EPCIP: variants seen among roughly 807,000 people sequenced by gnomAD.
The protein encoded by EPCIP is exosomal polycystin-1-interacting protein.
the EPCIP span, among the ~76,000 whole-genome samples, chr21:32,804,522 T>A: frequency 1.3e-5 from 2 of 151,924 alleles, no homozygotes; most frequent in Admixed American, 6.6e-5. Context: ...ATAGTACTAT[T>A]CATAGACATT....
the EPCIP span, among the ~76,000 whole-genome samples, chr21:32,806,245 C>G: frequency 5.9e-5 from 9 of 152,190 alleles, no homozygotes; most frequent in Admixed American, 5.2e-4. Flanking sequence ...CAGCTCAGCT[C>G]TAGCACAGTG....
chr21:32,810,606 T>C, the EPCIP span: 1 of 471,486 alleles, frequency 2.1e-6, no homozygotes, highest in Non-Finnish European at 4.4e-6. Flanking sequence ...GCTCAGTGCA[T>C]GGCTGTCTTC....
At chr21:32,796,142 C>T in the EPCIP span, among the ~76,000 whole-genome samples, 1 of 152,098 alleles carries the variant, frequency 6.6e-6, no homozygotes, top group African/African-American at 2.4e-5. Context: ...CAAGACAACC[C>T]AGGGCCCAGT....
At chr21:32,791,036 G>A in the EPCIP span, 1 of 152,236 alleles carries the variant, frequency 6.6e-6, no homozygotes, top group South Asian at 2.1e-4. Context: ...TAGAGCTTCA[G>A]GTGGGGCATG....
At chr21:32,811,458 T>A in the EPCIP span, among the ~76,000 whole-genome samples, 1 of 152,264 alleles carries the variant, frequency 6.6e-6, no homozygotes, top group East Asian at 1.9e-4. Context: ...AAATGATACA[T>A]GGGTACTCAG....
chr21:32,792,855 T>G, the EPCIP span, among the ~76,000 whole-genome samples: 38 of 152,158 alleles, frequency 2.5e-4, no homozygotes, highest in Non-Finnish European at 1.2e-4. Flanking sequence ...GGTGCATCTA[T>G]TCTTAGCAAG....
chr21:32,794,646 A>G, the EPCIP span, among the ~76,000 whole-genome samples: 1 of 152,372 alleles, frequency 6.6e-6, no homozygotes, highest in East Asian at 1.9e-4. Flanking sequence ...GCACTGGGCA[A>G]GCTCTTTTCT....
the EPCIP span, among the ~76,000 whole-genome samples, chr21:32,809,182 C>CGTGTGTGT: frequency 0.091 from 11,043 of 121,058 alleles, 1,106 homozygotes; most frequent in East Asian, 0.11. Flanking sequence ...TCGAGGGGTG[C>CGTGTGTGT]GTGTGTGTGT....
At chr21:32,806,982 G>T in the EPCIP span, among the ~76,000 whole-genome samples, 1 of 152,184 alleles carries the variant, frequency 6.6e-6, no homozygotes, top group Non-Finnish European at 1.5e-5. Context: ...TGAGAGCCAA[G>T]TGAAAGGGGT....
chr21:32,809,102 TA>T, the EPCIP span, among the ~76,000 whole-genome samples: 2 of 151,462 alleles, frequency 1.3e-5, no homozygotes, highest in African/African-American at 4.9e-5. Flanking sequence ...AAATGCGAAG[TA>T]ATCCTTTTAT....
the EPCIP span, among the ~76,000 whole-genome samples, chr21:32,795,766 T>G: frequency 6.6e-6 from 1 of 152,130 alleles, no homozygotes; most frequent in African/African-American, 2.4e-5. Flanking sequence ...TCCAAAGGAA[T>G]CAAGGCTAAA....
At chr21:32,813,231 A>T in the EPCIP span, among the ~76,000 whole-genome samples, 3 of 152,132 alleles carry the variant, frequency 2.0e-5, no homozygotes, top group African/African-American at 7.2e-5. Flanking sequence ...GATGTTTTAA[A>T]ATAGAGACAA....
the EPCIP span, among the ~76,000 whole-genome samples, chr21:32,804,092 T>C: frequency 6.6e-6 from 1 of 152,170 alleles, no homozygotes; most frequent in Non-Finnish European, 1.5e-5. Flanking sequence ...CAAAATTAGC[T>C]TCAAGTATGC....
At chr21:32,795,691 A>G in the EPCIP span, among the ~76,000 whole-genome samples, 4 of 152,216 alleles carry the variant, frequency 2.6e-5, no homozygotes, top group East Asian at 1.9e-4. Context: ...CAGTGACAGC[A>G]GGAAAGAGGC....
the EPCIP span, among the ~76,000 whole-genome samples, chr21:32,805,931 G>A: frequency 3.9e-5 from 6 of 152,152 alleles, no homozygotes; most frequent in Non-Finnish European, 5.9e-5. Context: ...ATCTGGCTAC[G>A]TCTTATGAGT....
chr21:32,796,887 T>G, the EPCIP span: 4 of 444,492 alleles, frequency 9.0e-6, no homozygotes, highest in African/African-American at 2.0e-5. Flanking sequence ...AGGGGAGAGG[T>G]CTATTCATCA....
At chr21:32,793,666 G>T in the EPCIP span, 1 of 1,095,866 alleles carries the variant, frequency 9.1e-7, no homozygotes, top group Non-Finnish European at 1.4e-6. Context: ...CACAGTTGTG[G>T]GTAGGGATAC....
chr21:32,802,445 A>G, the EPCIP span, among the ~76,000 whole-genome samples: 1 of 152,196 alleles, frequency 6.6e-6, no homozygotes, highest in African/African-American at 2.4e-5. Context: ...GAAGCAGGAG[A>G]CATCTACTTA....
the EPCIP span, chr21:32,813,652 G>T: frequency 2.1e-6 from 1 of 471,116 alleles, no homozygotes; most frequent in African/African-American, 2.0e-5. Flanking sequence ...CCTGGCCACG[G>T]ATCCTTCACC....
Sources: allele counts gnomAD v4.1 joint callset (sites outside exome capture counted in the v4.1 genomes callset), GRCh38; gene constraint gnomAD v4.1.1; transcripts MANE v1.5; gene names NCBI Gene and HGNC (gene_info 2026-07-23, HGNC 2026-07-21).